MKS1: variants seen among roughly 807,000 people sequenced by gnomAD.
MKS1 encodes the protein MKS transition zone complex subunit 1, also known as tectonic-like complex member MKS1.
A neutral mutation model predicts 83.7 loss-of-function variants in MKS1; 70 were observed. That is an observed-to-expected ratio of 0.84 (90% CI 0.69 to 1.02). The LOEUF is 1.02. Among genes scored for constraint, MKS1 ranks in the 50% least tolerant of loss-of-function variants. MKS1 has a pLI of 0.00. For missense variants in MKS1, 681 were observed against 726.9 expected (o/e 0.94, Z 0.73); for synonymous variants, 251 against 273.4 (o/e 0.92, Z 0.81).
chr17:58,211,144 C>T (rs1968852162), intron 9 of MKS1, 122 bp from the exon 10 acceptor site: 13 of 884,368 alleles, frequency 1.5e-5, no homozygotes, highest in South Asian at 1.4e-4. Context: ...GGTGTCACTA[C>T]TGCACTTTCT....
chr17:58,210,620 G>C (rs755769809), intron 11 of MKS1, 39 bp downstream of exon 11: 1 of 1,572,678 alleles, frequency 6.4e-7, no homozygotes, highest in South Asian at 1.1e-5. Flanking sequence ...AGATCTGTCT[G>C]AATGGGTATA....
At position 58,209,214 on chromosome 17, in the gene MKS1, G is replaced by A. The variant is rs7210462; in HGVS notation, c.1025-631C>T. Among the ~76,000 whole-genome samples, 1,820 of 152,252 alleles carry A rather than the reference G, an allele frequency of 0.012. 46 individuals carry two copies. The highest frequency in any genetic ancestry group is 0.042 in the African/African-American group (1,729 of 41,538). On this transcript the variant is annotated intron_variant, in intron 11 of 17. Transcript: ENST00000393119. This position sits in a 1 kb window ranked among gnomAD's most constrained non-coding sequence, Gnocchi z 4.1. ...GTTGGGTACACCTCCCAGATGGGGC[G>A]GCCGGGCAGAGGCGCTCCTCACTTC...
At chr17:58,214,862 G>GT (rs773819704) in intron 4 of MKS1, 24 bp from the exon 5 acceptor site, 1 of 1,588,894 alleles carries the variant, frequency 6.3e-7, no homozygotes, top group South Asian at 1.1e-5. Flanking sequence ...GCAGCCCTGT[G>GT]TACGCCATCT....
chr17:58,206,782 A>C (rs930635210), intron 15 of MKS1: 22 of 641,128 alleles, frequency 3.4e-5, no homozygotes, highest in Non-Finnish European at 6.0e-5. Flanking sequence ...TTATATGCTT[A>C]CTGTGAATCC....
At chr17:58,212,913 T>C (rs1268897246) in intron 8 of MKS1, 69 bp downstream of exon 8, 1 of 1,493,984 alleles carries the variant, frequency 6.7e-7, no homozygotes, top group Non-Finnish European at 9.3e-7. Context: ...TGACATCAAG[T>C]TCAGAAATGG....
chr17:58,212,478 T>G, intron 8 of MKS1, 44 bp from the exon 9 acceptor site: 1 of 1,599,090 alleles, frequency 6.3e-7, no homozygotes, highest in Non-Finnish European at 8.6e-7. Context: ...CAACCCAAGC[T>G]AGACCAAAGT....
rs181366213 is a variant in MKS1 at position 58,207,850 on chromosome 17, G to T, written c.1273+44C>A. The T allele has an allele frequency of 1.3e-4, 194 of 1,518,214 alleles. 1 individual carries two copies. The highest frequency in any genetic ancestry group is 1.7e-4 in the Non-Finnish European group (181 of 1,093,508). The allele number at this position is 1,518,214 out of a possible 1,614,324, so 94.0% of individuals were successfully genotyped here. On this transcript the variant is annotated intron_variant, in intron 14 of 17. Transcript: ENST00000393119. Reference sequence around the variant, plus strand: ...TTCGAGTGTTAGTCTTGTTCTTAGGGCCTAGGGCATGTGGGCCACAGAAGG... The same window carrying T: ...TTCGAGTGTTAGTCTTGTTCTTAGGTCCTAGGGCATGTGGGCCACAGAAGG...
chr17:58,206,111 G>C lies in MKS1; in HGVS notation c.1648C>G (p.Leu550Val), dbSNP rs1376291853. 1 of 1,613,254 alleles carries C rather than the reference G, an allele frequency of 6.2e-7. No individual in the cohort carries two copies. Among genetic ancestry groups the C allele is most frequent in the Non-Finnish European group, 8.5e-7 (1 of 1,179,806 alleles). Residue 550 changes from leucine to valine, a missense_variant, in exon 18 of 18, where the codon CTA (leucine) becomes GTA (valine). Physicochemically the swap from Leu to Val is conservative, Grantham distance 32. This residue lies in a region of MKS1 where 310 missense variants were observed against 321.7 expected (regional missense o/e 0.96). Transcript: ENST00000393119. ...QEARESLPQDLVSPSGTLVS is the reference protein window; with the variant it reads ...QEARESLPQDVVSPSGTLVS ...ACCAGGGTTCCAGAGGGGCTCACTA[G>C]GTCCTGCGGGAGGCTTTCCCGGGCC...
chr17:58,207,138 C>T lies in MKS1; in HGVS notation c.1354G>A (p.Gly452Ser), dbSNP rs538819956. ...GAGAGGTCCTCCAGTTCCAGAGAACCGCCAATGAAAAACCTCCTCAGCTCA... is the reference window on the plus strand; with the variant it reads ...GAGAGGTCCTCCAGTTCCAGAGAACTGCCAATGAAAAACCTCCTCAGCTCA... ...VAELRRFFIG[G>S]SLELEDLSYV... The change falls in exon 15 of 18, where the codon GGT (glycine) becomes AGT (serine). Residue 452 changes from glycine to serine, a missense_variant. This residue lies in a region of MKS1 where 310 missense variants were observed against 321.7 expected (regional missense o/e 0.96). Transcript: ENST00000393119. 1.8e-5 allele frequency: 29 copies of T among 1,614,122 alleles called. No individual in the cohort carries two copies. The highest frequency in any genetic ancestry group is 4.5e-5 in the East Asian group (2 of 44,870).
intron 2 of MKS1, among the ~76,000 whole-genome samples, chr17:58,218,117 G>T (rs1969334212): frequency 6.6e-6 from 1 of 152,218 alleles, no homozygotes; most frequent in Admixed American, 6.5e-5. Context: ...GTGTTTATAT[G>T]TGTATTTAGG....
At chr17:58,214,874 G>C in intron 4 of MKS1, 36 bp from the exon 5 acceptor site, 1 of 1,577,816 alleles carries the variant, frequency 6.3e-7, no homozygotes, top group South Asian at 1.1e-5. Context: ...ACGCCATCTG[G>C]TCAGGGCCAC....
At chr17:58,217,014 G>A (rs935970944) in intron 2 of MKS1, among the ~76,000 whole-genome samples, 1 of 152,168 alleles carries the variant, frequency 6.6e-6, no homozygotes, top group African/African-American at 2.4e-5. Context: ...GGGGGGGATG[G>A]AGTCTCACTC....
Position 58,219,167 on chromosome 17 carries a change from G to A in MKS1, c.64C>T (p.Arg22Cys), listed in dbSNP as rs1031187314. The change falls in exon 1 of 18, where the codon CGC becomes TGC. Residue 22 changes from arginine to cysteine, a missense_variant. By Grantham distance (180) the Arg-to-Cys change is radical. This residue lies in a region of MKS1 where 365 missense variants were observed against 383.8 expected (regional missense o/e 0.95). Transcript: ENST00000393119. ...EAVYRSRDPV[R>C]NLRLRVHLQR... ...TGCGACTACCGGAGGCGCAAGTTGC[G>A]CACGGGGTCCCGGGAGCGATACACT... The A allele has an allele frequency of 6.4e-7, 1 of 1,551,276 alleles. No individual in the cohort carries two copies. Among genetic ancestry groups the A allele is most frequent in the Non-Finnish European group, 8.7e-7 (1 of 1,147,012 alleles).
chr17:58,212,359 A>G lies in MKS1; in HGVS notation c.915+19T>C, dbSNP rs200080801. 6.1e-6 allele frequency: 8 copies of G among 1,311,806 alleles called. No individual in the cohort carries two copies. In the African/African-American group the frequency reaches 1.2e-4, roughly 19 times the overall value. The allele number at this position is 1,311,806 out of a possible 1,614,324, so 81.3% of individuals were successfully genotyped here. ...GGCTAAACACAGCTCACAGTGCTGC[A>G]GGAAGCCAAGCTACTCACCATCTCA... On this transcript the variant is annotated intron_variant, in intron 9 of 17. Transcript: ENST00000393119.
chr17:58,213,625 A>C, intron 7 of MKS1, 140 bp downstream of exon 7: 1 of 745,922 alleles, frequency 1.3e-6, no homozygotes, highest in Non-Finnish European at 2.4e-6. Flanking sequence ...TATGACTTGG[A>C]ACAGAATACG....
intron 1 of MKS1, 137 bp downstream of exon 1, chr17:58,219,014 T>C: frequency 8.0e-7 from 1 of 1,255,960 alleles, no homozygotes; most frequent in Non-Finnish European, 1.1e-6. Flanking sequence ...GGGGTACGGA[T>C]AGTGAAAGAA....
chr17:58,207,410 C>T (rs1466246787), intron 14 of MKS1, among the ~76,000 whole-genome samples, 192 bp from the exon 15 acceptor site: 1 of 152,154 alleles, frequency 6.6e-6, no homozygotes, highest in Non-Finnish European at 1.5e-5. Context: ...TTCAAATTTC[C>T]GCTCTGCCAG....
chr17:58,209,314 G>A lies in MKS1; in HGVS notation c.1025-731C>T, dbSNP rs1378053387. On this transcript the variant is annotated intron_variant, in intron 11 of 17. Coordinates refer to ENST00000393119, the MANE Select transcript of MKS1 (RefSeq NM_017777.4). This position sits in a 1 kb window ranked among gnomAD's most constrained non-coding sequence, Gnocchi z 4.1. ...TTCATTTACCATTTACTGAGTGCCTGCTATGTGCTAGTATATCTTAGGGGT... is the reference window on the plus strand; with the variant it reads ...TTCATTTACCATTTACTGAGTGCCTACTATGTGCTAGTATATCTTAGGGGT... Among the ~76,000 whole-genome samples, 2 of 152,110 alleles carry A rather than the reference G, an allele frequency of 1.3e-5. No homozygotes were observed. Among genetic ancestry groups the A allele is most frequent in the Non-Finnish European group, 2.9e-5 (2 of 68,030 alleles).
chr17:58,216,392 G>T, intron 3 of MKS1, 149 bp from the exon 4 acceptor site: 1 of 959,440 alleles, frequency 1.0e-6, no homozygotes, highest in South Asian at 1.5e-5. Flanking sequence ...AATGGCAGGG[G>T]AACCAAGAAC....
Sources: allele counts gnomAD v4.1 joint callset (sites outside exome capture counted in the v4.1 genomes callset), GRCh38; gene constraint gnomAD v4.1.1; regional missense constraint gnomAD v4.1.1; non-coding constraint Gnocchi (gnomAD v3.1); transcripts MANE v1.5; gene names NCBI Gene and HGNC (gene_info 2026-07-23, HGNC 2026-07-21).